The following GNAI1 variants were observed in gnomAD, a reference collection of about 807,000 sequenced individuals.
The protein encoded by GNAI1 is G protein subunit alpha i1, also known as guanine nucleotide-binding protein G(i) subunit alpha-1.
A neutral mutation model predicts 38.9 loss-of-function variants in GNAI1; 11 were observed. The observed-to-expected ratio is 0.28, with a 90% CI of 0.18 to 0.47. The LOEUF (loss-of-function observed/expected upper bound fraction) is 0.47. Ranked by LOEUF, GNAI1 falls within the 20% of genes least tolerant of loss-of-function variation. The pLI is 0.99. For missense variants in GNAI1, 317 were observed against 436.9 expected (o/e 0.73, Z 2.45); for synonymous variants, 166 against 145.1 (o/e 1.14, Z -1.04).
chr7:80,139,150 T>TA (rs1296403471), intron 1 of GNAI1, among the ~76,000 whole-genome samples: 4 of 148,276 alleles, frequency 2.7e-5, no homozygotes, highest in Non-Finnish European at 4.5e-5. Flanking sequence ...TTGTATTAGT[T>TA]ACTTTAGTAA....
At chr7:80,183,588 A>C (rs939099706) in intron 1 of GNAI1, among the ~76,000 whole-genome samples, 3 of 152,054 alleles carry the variant, frequency 2.0e-5, no homozygotes, top group Admixed American at 6.6e-5. Context: ...GAAATAAATG[A>C]TATAAATGTG....
At chr7:80,172,741 A>AT (rs1788117881) in intron 1 of GNAI1, among the ~76,000 whole-genome samples, 1 of 152,144 alleles carries the variant, frequency 6.6e-6, no homozygotes, top group Admixed American at 6.6e-5. Flanking sequence ...GTTCAGCGGC[A>AT]TTTTTTAGCA....
intron 7 of GNAI1, among the ~76,000 whole-genome samples, chr7:80,215,164 T>C (rs1391384331): frequency 6.6e-6 from 1 of 152,140 alleles, no homozygotes; most frequent in Non-Finnish European, 1.5e-5. Context: ...TAAAAAACAA[T>C]CTATCATATT....
chr7:80,178,142 G>T (rs1043334257), intron 1 of GNAI1, among the ~76,000 whole-genome samples: 1 of 152,184 alleles, frequency 6.6e-6, no homozygotes, highest in African/African-American at 2.4e-5. Context: ...AGAATTAGAA[G>T]TGGAGCCTGA....
chr7:80,188,512 G>T (rs978780556), intron 1 of GNAI1, among the ~76,000 whole-genome samples: 5 of 152,076 alleles, frequency 3.3e-5, no homozygotes, highest in Non-Finnish European at 7.4e-5. Flanking sequence ...TGTGTGTTTA[G>T]AAACCGATGA....
intron 1 of GNAI1, among the ~76,000 whole-genome samples, chr7:80,137,864 A>C (rs1787453531): frequency 6.6e-6 from 1 of 152,312 alleles, no homozygotes; most frequent in Middle Eastern, 3.4e-3. Flanking sequence ...TGTAAACAGA[A>C]TTCTGGCTTA....
intron 1 of GNAI1, among the ~76,000 whole-genome samples, chr7:80,157,748 C>T (rs1180226085): frequency 6.6e-6 from 1 of 152,094 alleles, no homozygotes; most frequent in Non-Finnish European, 1.5e-5. Context: ...CTCTGTCACC[C>T]AAGCTGCAAA....
intron 1 of GNAI1, among the ~76,000 whole-genome samples, chr7:80,158,914 C>G (rs1383681646): frequency 1.3e-5 from 2 of 152,132 alleles, no homozygotes; most frequent in African/African-American, 4.8e-5. Context: ...TATCATTTTC[C>G]TCTTTTCTCA....
At chr7:80,208,100 A>C (rs1166483125) in intron 5 of GNAI1, among the ~76,000 whole-genome samples, 1 of 152,130 alleles carries the variant, frequency 6.6e-6, no homozygotes, top group South Asian at 2.1e-4. Context: ...TGACAGTGGT[A>C]TTAGATGCTA....
chr7:80,189,022 G>C lies in GNAI1; in HGVS notation c.161+29G>C, dbSNP rs371463730. 12 of 1,604,152 alleles carry C rather than the reference G, an allele frequency of 7.5e-6. No individual in the cohort carries two copies. In the African/African-American group the frequency reaches 1.3e-4, roughly 18 times the overall value. On this transcript the variant is annotated intron_variant, in intron 2 of 7. Coordinates refer to ENST00000649796, the MANE Select transcript of GNAI1 (RefSeq NM_002069.6). Reference sequence around the variant, plus strand: ...AGTAGATTTAAACACCAAATTTGCTGTTTAAGTTAGTGTACCGTTCTACCA... The same window carrying C: ...AGTAGATTTAAACACCAAATTTGCTCTTTAAGTTAGTGTACCGTTCTACCA...
At chr7:80,172,574 TTG>T (rs1292526748) in intron 1 of GNAI1, among the ~76,000 whole-genome samples, 1 of 152,126 alleles carries the variant, frequency 6.6e-6, no homozygotes, top group Non-Finnish European at 1.5e-5. Context: ...TTGTTCAGAG[TTG>T]TCTTTTTCAC....
chr7:80,194,690 C>T (rs1788538347), intron 3 of GNAI1, among the ~76,000 whole-genome samples: 1 of 152,070 alleles, frequency 6.6e-6, no homozygotes, highest in South Asian at 2.1e-4. Flanking sequence ...ATCTAATTAT[C>T]ACCAGTGTTA....
At chr7:80,196,284 T>C (rs547170689) in intron 3 of GNAI1, among the ~76,000 whole-genome samples, 1 of 152,006 alleles carries the variant, frequency 6.6e-6, no homozygotes, top group Non-Finnish European at 1.5e-5. Context: ...GGAATTTTTC[T>C]GTCAAATAAT....
At chr7:80,144,229 CT>C (rs201484148) in intron 1 of GNAI1, among the ~76,000 whole-genome samples, 3,866 of 140,160 alleles carry the variant, frequency 0.028, 44 homozygotes, top group East Asian at 0.073. Flanking sequence ...TTTTTGCAAA[CT>C]TTTTTTTTTT....
At chr7:80,164,564 G>A (rs533678152) in intron 1 of GNAI1, among the ~76,000 whole-genome samples, 4 of 151,804 alleles carry the variant, frequency 2.6e-5, no homozygotes, top group Non-Finnish European at 4.4e-5. Flanking sequence ...GGGTTTCACC[G>A]TGTTAGCCAG....
chr7:80,140,837 T>C (rs1481942604), intron 1 of GNAI1, among the ~76,000 whole-genome samples: 1 of 152,232 alleles, frequency 6.6e-6, no homozygotes, highest in Non-Finnish European at 1.5e-5. Flanking sequence ...TCCACTGGGC[T>C]AAAGTCAGGT....
At chr7:80,137,071 A>G (rs952350235) in intron 1 of GNAI1, among the ~76,000 whole-genome samples, 1 of 152,060 alleles carries the variant, frequency 6.6e-6, no homozygotes, top group Non-Finnish European at 1.5e-5. Context: ...CTAACCTGTG[A>G]GCTCCAAAAG....
chr7:80,190,657 A>G (rs1427111055), intron 3 of GNAI1, among the ~76,000 whole-genome samples: 2 of 152,172 alleles, frequency 1.3e-5, no homozygotes, highest in African/African-American at 4.8e-5. Context: ...ATTAAGAAAA[A>G]AGAATTAATA....
At chr7:80,210,843 C>G in intron 5 of GNAI1, 126 bp from the exon 6 acceptor site, 1 of 634,222 alleles carries the variant, frequency 1.6e-6, no homozygotes, top group Non-Finnish European at 2.5e-6. Context: ...CCCATAAAGT[C>G]CTTCTCTCCT....
Sources: gnomAD v4.1 joint callset for allele counts (sites outside exome capture counted in the v4.1 genomes callset) on GRCh38, gnomAD v4.1.1 for gene constraint, MANE v1.5 for transcripts, NCBI Gene and HGNC (gene_info 2026-07-23, HGNC 2026-07-21) for gene names.